The following CSMD1 variants were observed in gnomAD, a reference collection of about 807,000 sequenced individuals.
The protein encoded by CSMD1 is CUB and sushi domain-containing protein 1.
CSMD1 carries 213 observed loss-of-function variants against 417.5 expected under a neutral mutation model. The observed-to-expected ratio is 0.51, with a 90% confidence interval of 0.46 to 0.57. The LOEUF (loss-of-function observed/expected upper bound fraction) is 0.57, where lower values mean the gene tolerates loss of function less well. Ranked by LOEUF, CSMD1 falls within the 20% of genes least tolerant of loss-of-function variation. CSMD1 has a pLI of 0.00. For missense variants in CSMD1, 6,923 were observed against 4,529.7 expected, an observed-to-expected ratio of 1.53 and a Z score of -15.17; for synonymous variants, 2,862 against 1,736.8, an observed-to-expected ratio of 1.65 and a Z score of -16.11.
chr8:4,883,958 C>T (rs745434596), intron 1 of CSMD1, among the ~76,000 whole-genome samples: 16 of 152,112 alleles, frequency 1.1e-4, no homozygotes, highest in East Asian at 3.9e-4. Flanking sequence ...TAGCTGCCTA[C>T]GAGCCTTCCA....
chr8:4,935,853 T>C (rs1400907784), intron 1 of CSMD1, among the ~76,000 whole-genome samples: 3 of 152,204 alleles, frequency 2.0e-5, no homozygotes, highest in Admixed American at 1.3e-4. Context: ...GATTCAAACG[T>C]CTTCACATGA....
intron 1 of CSMD1, among the ~76,000 whole-genome samples, chr8:4,902,633 A>G (rs556691048): frequency 6.4e-4 from 98 of 152,296 alleles, no homozygotes; most frequent in African/African-American, 2.3e-3. Flanking sequence ...TTATCTATTT[A>G]ACTCTTTATA....
At chr8:3,030,294 T>C (rs1810258691) in intron 50 of CSMD1, among the ~76,000 whole-genome samples, 2 of 152,076 alleles carry the variant, frequency 1.3e-5, no homozygotes, top group East Asian at 1.9e-4. Context: ...TGATTTAAAA[T>C]ACATTACACA....
chr8:4,476,714 C>G (rs1022547858), intron 2 of CSMD1, among the ~76,000 whole-genome samples: 2 of 152,128 alleles, frequency 1.3e-5, no homozygotes, highest in African/African-American at 2.4e-5. Flanking sequence ...TCACCACTCA[C>G]TTTATGAATA....
At chr8:4,456,393 CA>C (rs1298887925) in intron 2 of CSMD1, among the ~76,000 whole-genome samples, 1 of 152,102 alleles carries the variant, frequency 6.6e-6, no homozygotes, top group Non-Finnish European at 1.5e-5. Flanking sequence ...AGCTAGGTAT[CA>C]AAGACAAGAT....
At chr8:4,940,062 T>A (rs1807883818) in intron 1 of CSMD1, among the ~76,000 whole-genome samples, 1 of 152,212 alleles carries the variant, frequency 6.6e-6, no homozygotes, top group Admixed American at 6.5e-5. Flanking sequence ...AGAGCTGAGG[T>A]AGGAGAACCG....
chr8:4,878,292 C>T (rs533279278), intron 1 of CSMD1, among the ~76,000 whole-genome samples: 1 of 152,006 alleles, frequency 6.6e-6, no homozygotes, highest in African/African-American at 2.4e-5. Context: ...CAACTTAACA[C>T]AACGCGAGGC....
At chr8:4,524,833 C>G (rs77666269) in intron 2 of CSMD1, among the ~76,000 whole-genome samples, 14,639 of 151,984 alleles carry the variant, frequency 0.096, 924 homozygotes, top group South Asian at 0.16. Flanking sequence ...TTATTTTCAA[C>G]AATTTATATA....
intron 5 of CSMD1, among the ~76,000 whole-genome samples, chr8:3,992,313 A>C (rs987264418): frequency 1.3e-5 from 2 of 152,142 alleles, no homozygotes; most frequent in Non-Finnish European, 2.9e-5. Context: ...ACGCAAGTTT[A>C]CAAGGGGAAC....
intron 8 of CSMD1, among the ~76,000 whole-genome samples, chr8:3,602,671 A>G (rs181128562): frequency 5.7e-4 from 87 of 152,036 alleles, no homozygotes; most frequent in African/African-American, 2.0e-3. Context: ...GTATGGAAGA[A>G]ATAATCACAT....
chr8:4,499,671 G>T (rs1017141493), intron 2 of CSMD1, among the ~76,000 whole-genome samples: 1 of 152,216 alleles, frequency 6.6e-6, no homozygotes, highest in Non-Finnish European at 1.5e-5. Flanking sequence ...ATAAATATCA[G>T]ATTTTAGTGA....
At chr8:3,945,552 G>A (rs1417678204) in intron 5 of CSMD1, among the ~76,000 whole-genome samples, 2 of 152,016 alleles carry the variant, frequency 1.3e-5, no homozygotes, top group Non-Finnish European at 2.9e-5. Flanking sequence ...TAACTTTTGA[G>A]AGACAAGTTT....
intron 1 of CSMD1, among the ~76,000 whole-genome samples, chr8:4,958,803 A>C (rs1393678660): frequency 6.6e-6 from 1 of 152,318 alleles, no homozygotes; most frequent in Non-Finnish European, 1.5e-5. Flanking sequence ...TTCATGAAGA[A>C]AATATATCCC....
At chr8:4,324,759 G>A (rs1408528199) in intron 3 of CSMD1, among the ~76,000 whole-genome samples, 2 of 152,136 alleles carry the variant, frequency 1.3e-5, no homozygotes, top group Non-Finnish European at 2.9e-5. Flanking sequence ...TTTTGTTTCA[G>A]CCCCATAAAC....
chr8:4,930,593 A>C (rs940192757), intron 1 of CSMD1, among the ~76,000 whole-genome samples: 1 of 152,196 alleles, frequency 6.6e-6, no homozygotes, highest in Non-Finnish European at 1.5e-5. Context: ...ATTGGCAAGG[A>C]TAGAACACAA....
At chr8:3,383,552 C>T (rs772612370) in intron 18 of CSMD1, among the ~76,000 whole-genome samples, 3 of 151,826 alleles carry the variant, frequency 2.0e-5, no homozygotes, top group South Asian at 2.1e-4. Context: ...ACCTCATGCA[C>T]GAATGAAAAC....
At chr8:4,161,546 T>G (rs1425028008) in intron 3 of CSMD1, among the ~76,000 whole-genome samples, 1 of 152,224 alleles carries the variant, frequency 6.6e-6, no homozygotes, top group Non-Finnish European at 1.5e-5. Flanking sequence ...GTGCACCTCC[T>G]ACTACTTGAC....
intron 3 of CSMD1, among the ~76,000 whole-genome samples, chr8:4,060,150 A>T (rs1353204144): frequency 6.6e-6 from 1 of 152,206 alleles, no homozygotes; most frequent in African/African-American, 2.4e-5. Context: ...TATACAAATC[A>T]ATAAATGTAA....
At chr8:2,968,541 C>G (rs1585068205) in intron 57 of CSMD1, among the ~76,000 whole-genome samples, 1 of 152,184 alleles carries the variant, frequency 6.6e-6, no homozygotes, top group African/African-American at 2.4e-5. Context: ...AATGTCCCCT[C>G]AAATATTGTA....
Sources: allele counts gnomAD v4.1 joint callset (sites outside exome capture counted in the v4.1 genomes callset), GRCh38; gene constraint gnomAD v4.1.1; transcripts MANE v1.5; gene names NCBI Gene and HGNC (gene_info 2026-07-23, HGNC 2026-07-21).